TMEM117: variants seen among roughly 807,000 people sequenced by gnomAD.
The protein encoded by TMEM117 is transmembrane protein 117.
A neutral mutation model predicts 52.4 loss-of-function variants in TMEM117; 27 were observed. The observed-to-expected ratio is 0.51, with a 90% CI of 0.38 to 0.71. The LOEUF is 0.71. TMEM117 is among the 30% of genes least tolerant of loss of function. The pLI is 0.00. For missense variants in TMEM117, 556 were observed against 630.5 expected, an observed-to-expected ratio of 0.88 and a Z score of 1.26; for synonymous variants, 215 against 206.3, an observed-to-expected ratio of 1.04 and a Z score of -0.36.
chr12:44,387,344 T>C (rs1381938211), intron 7 of TMEM117, among the ~76,000 whole-genome samples: 1 of 151,818 alleles, frequency 6.6e-6, no homozygotes, highest in Admixed American at 6.6e-5. Context: ...AGATTTTAAA[T>C]ATTAAAAAAA....
intron 2 of TMEM117, among the ~76,000 whole-genome samples, chr12:43,903,404 G>A (rs1394365110): frequency 2.0e-5 from 3 of 152,126 alleles, no homozygotes; most frequent in Admixed American, 6.5e-5. Context: ...TACAGATTAA[G>A]GGACATTAGA....
At chr12:44,283,843 G>T (rs1213217783) in intron 5 of TMEM117, among the ~76,000 whole-genome samples, 1 of 152,140 alleles carries the variant, frequency 6.6e-6, no homozygotes, top group Non-Finnish European at 1.5e-5. Flanking sequence ...TTGAATTGTA[G>T]CTCCTAGAAT....
intron 5 of TMEM117, among the ~76,000 whole-genome samples, chr12:44,213,232 A>G (rs1949670364): frequency 6.6e-6 from 1 of 152,150 alleles, no homozygotes; most frequent in Non-Finnish European, 1.5e-5. Flanking sequence ...TGCTATTGTT[A>G]TAGGCATAGT....
chr12:44,161,656 G>A (rs180672490), intron 4 of TMEM117, among the ~76,000 whole-genome samples: 1,751 of 152,254 alleles, frequency 0.012, 22 homozygotes, highest in South Asian at 0.052. Context: ...AATTAATGCA[G>A]GCAGAGCACT....
chr12:44,204,547 A>G (rs1949538954), intron 4 of TMEM117, among the ~76,000 whole-genome samples: 1 of 152,174 alleles, frequency 6.6e-6, no homozygotes, highest in African/African-American at 2.4e-5. Context: ...AGAATTACCC[A>G]TAGTCTATTC....
intron 3 of TMEM117, among the ~76,000 whole-genome samples, chr12:43,956,499 T>TA (rs1945308864): frequency 6.7e-5 from 2 of 29,768 alleles, no homozygotes; most frequent in African/African-American, 2.7e-4. Context: ...CAGACACTTC[T>TA]CAAAAAAAAA....
the TMEM117 span, among the ~76,000 whole-genome samples, chr12:43,820,260 A>G: frequency 1.7e-3 from 252 of 148,684 alleles, 1 homozygote; most frequent in African/African-American, 6.1e-3. Flanking sequence ...ACCACGCCCA[A>G]CTAATTTTTG....
chr12:43,896,159 A>G (rs987711608), intron 2 of TMEM117, among the ~76,000 whole-genome samples: 2 of 152,206 alleles, frequency 1.3e-5, no homozygotes, highest in African/African-American at 4.8e-5. Flanking sequence ...CACAATATTT[A>G]ATAATAAAAT....
intron 2 of TMEM117, among the ~76,000 whole-genome samples, chr12:43,937,363 A>G (rs547032576): frequency 6.6e-6 from 1 of 152,334 alleles, no homozygotes; most frequent in Admixed American, 6.5e-5. Context: ...TGTGATAGCA[A>G]CTAAACTCTG....
intron 2 of TMEM117, among the ~76,000 whole-genome samples, chr12:43,875,119 T>A (rs1943771662): frequency 6.6e-6 from 1 of 152,244 alleles, no homozygotes; most frequent in South Asian, 2.1e-4. Context: ...CAAAATTATT[T>A]TGTAAATGAT....
intron 3 of TMEM117, among the ~76,000 whole-genome samples, chr12:44,072,382 C>G (rs74360530): frequency 0.1 from 15,432 of 152,194 alleles, 819 homozygotes; most frequent in South Asian, 0.17. Flanking sequence ...CATTCCCGTT[C>G]CTCTCTCTCT....
chr12:44,326,307 T>C (rs2138712632), intron 6 of TMEM117, among the ~76,000 whole-genome samples: 1 of 152,314 alleles, frequency 6.6e-6, no homozygotes, highest in South Asian at 2.1e-4. Context: ...GTGTTCAACA[T>C]ACAGTTGTTT....
At chr12:44,031,830 TAAC>T (rs1565800010) in intron 3 of TMEM117, among the ~76,000 whole-genome samples, 2 of 152,218 alleles carry the variant, frequency 1.3e-5, no homozygotes, top group Admixed American at 1.3e-4. Flanking sequence ...ATTCCTTTTA[TAAC>T]AGGACACAAT....
In TMEM117 at chr12:44,359,263, G is replaced by GTATA. The variant is rs142861657; in HGVS notation, c.769-17322_769-17319dup. Among the ~76,000 whole-genome samples, 55 of 150,222 alleles carry GTATA rather than the reference G, an allele frequency of 3.7e-4. 1 individual carries two copies. Among genetic ancestry groups the GTATA allele is most frequent in the Admixed American group, 3.4e-3 (51 of 15,048 alleles). On this transcript the variant is annotated intron_variant, in intron 6 of 7. Coordinates refer to ENST00000266534, the MANE Select transcript of TMEM117 (RefSeq NM_032256.3). Reference sequence around the variant, plus strand: ...GAAAATAACAAAGTGTCTAGAGTGTGTATATATATATATGTGTGCACAAAA... The same window carrying GTATA: ...GAAAATAACAAAGTGTCTAGAGTGTGTATATATATATATATATGTGTGCACAAAA...
At chr12:43,883,471 A>G (rs1031209007) in intron 2 of TMEM117, among the ~76,000 whole-genome samples, 3 of 152,238 alleles carry the variant, frequency 2.0e-5, no homozygotes, top group Admixed American at 1.3e-4. Context: ...TTGGAATTAC[A>G]TTAACCAGAA....
chr12:43,906,183 C>G (rs934191203), intron 2 of TMEM117, among the ~76,000 whole-genome samples: 3 of 152,104 alleles, frequency 2.0e-5, no homozygotes, highest in Non-Finnish European at 4.4e-5. Context: ...CAGAATGATA[C>G]CTAGTGCTAT....
At chr12:43,992,806 G>T (rs1945965890) in intron 3 of TMEM117, among the ~76,000 whole-genome samples, 1 of 152,106 alleles carries the variant, frequency 6.6e-6, no homozygotes, top group African/African-American at 2.4e-5. Flanking sequence ...TTCAAGGTTT[G>T]GTTTATATGC....
At chr12:43,839,870 G>T (rs1943090139) in intron 1 of TMEM117, among the ~76,000 whole-genome samples, 1 of 152,192 alleles carries the variant, frequency 6.6e-6, no homozygotes, top group East Asian at 1.9e-4. Flanking sequence ...GCACTCTTTT[G>T]CTCTGAAACT....
chr12:44,183,699 T>A (rs1033182749), intron 4 of TMEM117, among the ~76,000 whole-genome samples: 1 of 152,090 alleles, frequency 6.6e-6, no homozygotes, highest in African/African-American at 2.4e-5. Flanking sequence ...CTCAAAGGAT[T>A]AATATGCAAC....
Sources: allele counts gnomAD v4.1 joint callset (sites outside exome capture counted in the v4.1 genomes callset), GRCh38; gene constraint gnomAD v4.1.1; transcripts MANE v1.5; gene names NCBI Gene and HGNC (gene_info 2026-07-23, HGNC 2026-07-21).